The following ROBO1 variants were observed in gnomAD, a reference collection of about 807,000 sequenced individuals.
ROBO1 encodes the protein roundabout homolog 1.
Under a neutral mutation model 195.9 loss-of-function variants are expected in ROBO1, and 149 were observed. The observed-to-expected ratio is 0.76, with a 90% confidence interval of 0.67 to 0.87. The LOEUF (loss-of-function observed/expected upper bound fraction) is 0.87. Among genes scored for constraint, ROBO1 ranks in the 40% least tolerant of loss-of-function variants. The pLI, the probability that ROBO1 is intolerant of heterozygous loss-of-function variation, is 0.00. For missense variants in ROBO1, 1,933 were observed against 2,068.3 expected (o/e 0.93, Z 1.27); for synonymous variants, 816 against 733.2 (o/e 1.11, Z -1.82).
intron 2 of ROBO1, among the ~76,000 whole-genome samples, chr3:79,437,950 T>C (rs2107098821): frequency 6.6e-6 from 1 of 152,020 alleles, no homozygotes; most frequent in East Asian, 1.9e-4. Context: ...ACTGTGAAAG[T>C]AAAAACAAAA....
intron 1 of ROBO1, among the ~76,000 whole-genome samples, chr3:79,594,348 A>G (rs968603581): frequency 3.9e-5 from 6 of 152,062 alleles, no homozygotes; most frequent in Admixed American, 1.3e-4. Flanking sequence ...CACGTTTTCC[A>G]TGGATGTGTA....
Position 78,668,559 on chromosome 3 carries a change from C to A in ROBO1, c.1555G>T (p.Asp519Tyr). ...VLQIRYAKLG[D>Y]TGRYTCIAST... Reference sequence around the variant, plus strand: ...GCAATGCAGGTGTACCGACCAGTATCACCCAGCTGAGAAGGCAGACAAAAA... The same window carrying A: ...GCAATGCAGGTGTACCGACCAGTATAACCCAGCTGAGAAGGCAGACAAAAA... Residue 519 changes from aspartate to tyrosine, a missense_variant, in exon 12 of 31, where the codon GAT becomes TAT. Around this residue, in one of 3 missense-constraint regions of ROBO1, gnomAD observed 1,737 missense variants for 1,882.5 expected, o/e 0.92. Transcript: ENST00000464233. The A allele has an allele frequency of 6.2e-7, 1 of 1,613,464 alleles. No homozygotes were observed. Among genetic ancestry groups the A allele is most frequent in the Non-Finnish European group, 8.5e-7 (1 of 1,179,558 alleles).
intron 1 of ROBO1, among the ~76,000 whole-genome samples, chr3:79,639,697 C>T (rs979534321): frequency 6.6e-6 from 1 of 152,088 alleles, no homozygotes; most frequent in African/African-American, 2.4e-5. Context: ...TGTTGTCTTC[C>T]CTGTAGACCC....
At chr3:79,482,912 A>G (rs1054235378) in intron 2 of ROBO1, among the ~76,000 whole-genome samples, 4 of 152,166 alleles carry the variant, frequency 2.6e-5, no homozygotes, top group African/African-American at 9.7e-5. Context: ...TTCTTCTATA[A>G]TAATTGTTCT....
At chr3:79,109,950 G>A (rs2079855359) in intron 3 of ROBO1, among the ~76,000 whole-genome samples, 1 of 152,126 alleles carries the variant, frequency 6.6e-6, no homozygotes, top group South Asian at 2.1e-4. Context: ...GCTTATACAT[G>A]CTGACTTGGC....
At chr3:79,299,320 T>A (rs1411240987) in intron 2 of ROBO1, among the ~76,000 whole-genome samples, 2 of 152,206 alleles carry the variant, frequency 1.3e-5, no homozygotes, top group Non-Finnish European at 2.9e-5. Context: ...GAGTGTAATG[T>A]TCAGTAAATT....
At chr3:78,659,532 A>G (rs575232245) in intron 17 of ROBO1, among the ~76,000 whole-genome samples, 154 bp downstream of exon 17, 69 of 152,260 alleles carry the variant, frequency 4.5e-4, no homozygotes, top group Admixed American at 7.2e-4. Flanking sequence ...TCACTGAATA[A>G]ACAAGAAAGC....
intron 14 of ROBO1, among the ~76,000 whole-genome samples, chr3:78,662,501 G>A (rs563304411): frequency 6.6e-6 from 1 of 152,252 alleles, no homozygotes; most frequent in South Asian, 2.1e-4. Context: ...AACTATGCAA[G>A]ACAGAAAAGA....
chr3:79,571,702 G>A (rs1943284105), intron 2 of ROBO1, among the ~76,000 whole-genome samples: 3 of 151,974 alleles, frequency 2.0e-5, no homozygotes, highest in African/African-American at 7.2e-5. Context: ...CTTTTAAATT[G>A]ATTCATTAGA....
chr3:78,746,865 C>T lies in ROBO1; in HGVS notation c.535G>A (p.Val179Ile), dbSNP rs2082671119. 6.3e-6 allele frequency: 10 copies of T among 1,587,168 alleles called. No individual in the cohort carries two copies. Among genetic ancestry groups the T allele is most frequent in the Non-Finnish European group, 7.7e-6 (9 of 1,161,886 alleles). Residue 179 changes from valine to isoleucine, a missense_variant, in exon 5 of 31, where the codon GTC (valine) becomes ATC (isoleucine). Physicochemically the swap from Val to Ile is conservative, Grantham distance 29 (BLOSUM62 3). This residue lies in a region of ROBO1 where 1,737 missense variants were observed against 1,882.5 expected (regional missense o/e 0.92). Coordinates refer to ENST00000464233, the MANE Select transcript of ROBO1 (RefSeq NM_002941.4). ...RDDFRQNPSD[V>I]MVAVGEPAVM... ...GCAGGCTCTCCTACTGCAACCATGA[C>T]ATCCGAAGGGTTTTGTCTGAAGTCA... is the stretch of plus-strand genomic sequence containing the variant.
At chr3:79,312,619 A>G (rs573371028) in intron 2 of ROBO1, among the ~76,000 whole-genome samples, 6 of 152,358 alleles carry the variant, frequency 3.9e-5, no homozygotes, top group East Asian at 3.9e-4. Context: ...GGACCTATCC[A>G]TAAAGCAGTC....
rs565729303 is a variant in ROBO1 at position 79,318,905 on chromosome 3, G to A, written c.89-193366C>T. Among the ~76,000 whole-genome samples the A allele has an allele frequency of 7.0e-4, 107 of 152,228 alleles. 1 individual carries two copies. The highest frequency in any genetic ancestry group is 3.9e-4 in the Admixed American group (6 of 15,288). ...ATAGCCACATTTTAGAGAGTAAAAA[G>A]AAATAGGTAAAATGAATTTGAATTA... On this transcript the variant is annotated intron_variant, in intron 2 of 30. Transcript: ENST00000464233.
intron 3 of ROBO1, among the ~76,000 whole-genome samples, chr3:78,940,120 G>A (rs867716666): frequency 2.0e-5 from 3 of 152,094 alleles, no homozygotes; most frequent in African/African-American, 7.2e-5. Flanking sequence ...CCCAAATCAT[G>A]CCCTCATCTA....
intron 3 of ROBO1, among the ~76,000 whole-genome samples, chr3:78,946,281 G>T (rs1459622390): frequency 6.6e-6 from 1 of 152,164 alleles, no homozygotes; most frequent in African/African-American, 2.4e-5. Context: ...AGAAAGGTCG[G>T]GTTACCCACA....
At chr3:78,709,022 A>G (rs2081618429) in intron 8 of ROBO1, among the ~76,000 whole-genome samples, 1 of 152,186 alleles carries the variant, frequency 6.6e-6, no homozygotes, top group Non-Finnish European at 1.5e-5. Flanking sequence ...TTCTTGAAAG[A>G]AAGGTATGTA....
rs576363527 is a variant in ROBO1, at chr3:79,300,412, C to T, written c.89-174873G>A. On this transcript the variant is annotated intron_variant, in intron 2 of 30. Coordinates refer to ENST00000464233, the MANE Select transcript of ROBO1 (RefSeq NM_002941.4). ...GGGTCCCCCAGCAGTGCCGGCCCACCGGCGCTGCGCTCGATTTCTCACTGG... is the reference window on the plus strand; with the variant it reads ...GGGTCCCCCAGCAGTGCCGGCCCACTGGCGCTGCGCTCGATTTCTCACTGG... 1.6e-3 allele frequency among the ~76,000 whole-genome samples: 250 copies of T among 152,340 alleles called. 2 individuals carry two copies. Among genetic ancestry groups the T allele is most frequent in the African/African-American group, 5.6e-3 (233 of 41,590 alleles).
In ROBO1 at chr3:78,904,242, G is replaced by A. The variant is rs532018994; in HGVS notation, c.499+34359C>T. On this transcript the variant is annotated intron_variant, in intron 4 of 30. Transcript: ENST00000464233. ...TGTGTCTGTCTGTATCATACCCAAA[G>A]GGTGTGAATCCATTCAGTAGGTTGA... 7.7e-4 allele frequency among the ~76,000 whole-genome samples: 117 copies of A among 152,050 alleles called. 1 individual carries two copies. Among genetic ancestry groups the A allele is most frequent in the African/African-American group, 2.7e-3 (111 of 41,502 alleles).
intron 1 of ROBO1, among the ~76,000 whole-genome samples, chr3:79,649,192 A>T (rs965121408): frequency 2.6e-5 from 4 of 152,094 alleles, no homozygotes; most frequent in African/African-American, 9.7e-5. Flanking sequence ...TTTGAGAACC[A>T]CTGTAGTTGA....
chr3:79,294,806 T>C (rs1195958215), intron 2 of ROBO1, among the ~76,000 whole-genome samples: 1 of 152,066 alleles, frequency 6.6e-6, no homozygotes, highest in Admixed American at 6.5e-5. Context: ...AACAGACACT[T>C]CTCAAAAGAA....
Sources: allele counts gnomAD v4.1 joint callset (sites outside exome capture counted in the v4.1 genomes callset), GRCh38; gene constraint gnomAD v4.1.1; regional missense constraint gnomAD v4.1.1; transcripts MANE v1.5; gene names NCBI Gene and HGNC (gene_info 2026-07-23, HGNC 2026-07-21).